DCC: variants seen among roughly 807,000 people sequenced by gnomAD.
DCC encodes the protein DCC netrin 1 receptor.
In DCC, 58 loss-of-function variants were observed where a neutral mutation model predicts 172.5. The observed-to-expected ratio is 0.34, with a 90% CI of 0.27 to 0.42. The LOEUF is 0.42. Ranked by LOEUF, DCC falls within the 10% of genes least tolerant of loss-of-function variation. The probability of loss-of-function intolerance (pLI) is 1.00; values close to 1 mark genes in which losing one functional copy is unlikely to be tolerated. For synonymous variants in DCC, 709 were observed against 644.5 expected (o/e 1.10, Z -1.52); for missense variants, 1,740 against 1,791.0 (o/e 0.97, Z 0.51).
At chr18:53,315,500 T>A (rs1232997996) in intron 13 of DCC, among the ~76,000 whole-genome samples, 7 of 152,138 alleles carry the variant, frequency 4.6e-5, no homozygotes, top group African/African-American at 1.7e-4. Flanking sequence ...GCTGGGTCAA[T>A]TGGTATTTCT....
At chr18:53,360,752 A>G (rs1403742707) in intron 15 of DCC, among the ~76,000 whole-genome samples, 2 of 152,230 alleles carry the variant, frequency 1.3e-5, no homozygotes, top group East Asian at 3.8e-4. Context: ...TGCCGATAGC[A>G]TAGAATATTA....
intron 14 of DCC, among the ~76,000 whole-genome samples, chr18:53,325,538 A>T (rs998634312): frequency 5.3e-5 from 8 of 152,250 alleles, no homozygotes; most frequent in African/African-American, 1.7e-4. Flanking sequence ...TTATTAGAAG[A>T]CACAAAATTT....
At position 53,052,397 on chromosome 18, in the gene DCC, TC is replaced by T. The variant is rs2042345691; in HGVS notation, c.986-10902del. Among the ~76,000 whole-genome samples, 4 of 151,980 alleles carry T rather than the reference TC, an allele frequency of 2.6e-5. No individual in the cohort carries two copies. The South Asian group carries it at 8.3e-4, about 32-fold the overall frequency. On this transcript the variant is annotated intron_variant, in intron 5 of 28. Transcript: ENST00000442544. ...TCTCTCTTCTCTTCCTCCCTCCCCATCCCCCCTTTTTCTTTCACTCTTTTGC... is the reference window on the plus strand; with the variant it reads ...TCTCTCTTCTCTTCCTCCCTCCCCATCCCCCTTTTTCTTTCACTCTTTTGC...
At chr18:52,963,785 G>A (rs989590970) in intron 5 of DCC, among the ~76,000 whole-genome samples, 2 of 151,282 alleles carry the variant, frequency 1.3e-5, no homozygotes, top group Non-Finnish European at 2.9e-5. Context: ...ATATTATCTG[G>A]CATACCTTGT....
intron 7 of DCC, among the ~76,000 whole-genome samples, chr18:53,128,127 A>T (rs938854706): frequency 3.1e-4 from 47 of 152,298 alleles, no homozygotes; most frequent in Non-Finnish European, 2.6e-4. Context: ...ATTAATGAAT[A>T]AACCTAAGGT....
intron 1 of DCC, among the ~76,000 whole-genome samples, chr18:52,599,744 C>T (rs1230532593): frequency 6.6e-6 from 1 of 151,994 alleles, no homozygotes; most frequent in Non-Finnish European, 1.5e-5. Flanking sequence ...AAACTCCTGA[C>T]CTCAGGTGAT....
chr18:52,894,356 A>G (rs1476748196), intron 2 of DCC, among the ~76,000 whole-genome samples: 1 of 151,942 alleles, frequency 6.6e-6, no homozygotes, highest in Non-Finnish European at 1.5e-5. Flanking sequence ...GATGTCCAAT[A>G]AATGCTGACT....
At chr18:52,562,053 C>T (rs1486523085) in intron 1 of DCC, among the ~76,000 whole-genome samples, 2 of 152,106 alleles carry the variant, frequency 1.3e-5, no homozygotes, top group East Asian at 3.9e-4. Context: ...AGTACAGACT[C>T]TCAGGAGACT....
At chr18:53,039,728 G>A (rs1408357664) in intron 5 of DCC, among the ~76,000 whole-genome samples, 2 of 151,836 alleles carry the variant, frequency 1.3e-5, no homozygotes, top group Non-Finnish European at 2.9e-5. Flanking sequence ...TTCTTGGTAG[G>A]ACCCCAGAGA....
chr18:52,978,783 A>C lies in DCC; in HGVS notation c.985+53413A>C, dbSNP rs144008486. ...TCACTCTGTATGCCTTTGCATACCC[A>C]TGGCTTATTTCTCAAAGTGAGAACA... On this transcript the variant is annotated intron_variant, in intron 5 of 28. Transcript: ENST00000442544. Among the ~76,000 whole-genome samples, 24 of 152,304 alleles carry C rather than the reference A, an allele frequency of 1.6e-4. No homozygotes were observed. In the East Asian group the frequency reaches 1.7e-3, roughly 11 times the overall value.
At chr18:53,421,406 T>C (rs1910638565) in intron 21 of DCC, among the ~76,000 whole-genome samples, 1 of 152,178 alleles carries the variant, frequency 6.6e-6, no homozygotes, top group Non-Finnish European at 1.5e-5. Context: ...TTGAGCACTC[T>C]CAAGTGTATT....
At chr18:52,849,046 CCTG>C (rs2038936193) in intron 2 of DCC, among the ~76,000 whole-genome samples, 1 of 152,090 alleles carries the variant, frequency 6.6e-6, no homozygotes, top group African/African-American at 2.4e-5. Context: ...TTTTCTTCTT[CCTG>C]CTGCTGAATT....
intron 2 of DCC, among the ~76,000 whole-genome samples, chr18:52,821,722 G>GT (rs1331817032): frequency 1.3e-5 from 2 of 152,294 alleles, no homozygotes; most frequent in East Asian, 3.9e-4. Context: ...ATTTATTTCT[G>GT]TATGTATCTG....
chr18:52,459,268 G>A (rs1181862535), intron 1 of DCC, among the ~76,000 whole-genome samples: 3 of 151,844 alleles, frequency 2.0e-5, no homozygotes, highest in Non-Finnish European at 4.4e-5. Flanking sequence ...GTTCCATGTG[G>A]GTTTGTTGTA....
Position 53,207,851 on chromosome 18 carries a change from T to C in DCC, c.1861+34T>C, listed in dbSNP as rs779501476. The C allele has an allele frequency of 1.3e-4, 196 of 1,560,632 alleles. 2 individuals are homozygous for C. The Middle Eastern group carries it at 1.9e-3, about 15-fold the overall frequency. On this transcript the variant is annotated intron_variant, in intron 11 of 28. Transcript: ENST00000442544. ...AAAACAGTGAAACTCCTTTTACATATTTGACATAATATTGACAATAATGAC... is the reference window on the plus strand; with the variant it reads ...AAAACAGTGAAACTCCTTTTACATACTTGACATAATATTGACAATAATGAC...
intron 8 of DCC, among the ~76,000 whole-genome samples, chr18:53,177,731 A>G (rs1359004266): frequency 1.3e-5 from 2 of 152,096 alleles, no homozygotes; most frequent in African/African-American, 2.4e-5. Flanking sequence ...CATCACATAC[A>G]CTCAACCTCT....
chr18:53,486,882 C>T lies in DCC; in HGVS notation c.3822C>T (p.His1274=), dbSNP rs1268626846. The T allele has an allele frequency of 1.2e-6, 2 of 1,614,192 alleles. No homozygotes were observed. Among genetic ancestry groups the T allele is most frequent in the South Asian group, 1.1e-5 (1 of 91,090 alleles). ...CGTCTCCCACCTGTGGATATCCCCA[C>T]CCGCAGTTCACTCTCCGGCCTGTGC... ...ILPSPTCGYP[H]PQFTLRPVPF... is the part of the protein sequence containing the mutation. The change falls in exon 26 of 29, where the codon CAC becomes CAT. Residue 1274 remains histidine (H), a synonymous_variant. Transcript: ENST00000442544.
intron 1 of DCC, among the ~76,000 whole-genome samples, chr18:52,446,916 A>G (rs1412011665): frequency 2.6e-5 from 4 of 152,234 alleles, no homozygotes; most frequent in Non-Finnish European, 4.4e-5. Flanking sequence ...AGACATTTCA[A>G]TTCAATTGAT....
At chr18:53,287,243 T>C (rs188122492) in intron 12 of DCC, among the ~76,000 whole-genome samples, 79 of 152,348 alleles carry the variant, frequency 5.2e-4, no homozygotes, top group African/African-American at 1.4e-3. Context: ...CACTATGTGG[T>C]CTTTCATGAG....
Sources: gnomAD v4.1 joint callset for allele counts (sites outside exome capture counted in the v4.1 genomes callset) on GRCh38, gnomAD v4.1.1 for gene constraint, MANE v1.5 for transcripts, NCBI Gene and HGNC (gene_info 2026-07-23, HGNC 2026-07-21) for gene names.